MAP4K5: variants seen among roughly 807,000 people sequenced by gnomAD.
MAP4K5 encodes the protein MAPK/ERK kinase kinase kinase 5.
Under a neutral mutation model 135.6 loss-of-function variants are expected in MAP4K5, and 82 were observed. That is an observed-to-expected ratio of 0.60 (90% CI 0.51 to 0.73). The LOEUF (loss-of-function observed/expected upper bound fraction) is 0.73, where lower values mean the gene tolerates loss of function less well. Ranked by LOEUF, MAP4K5 falls within the 30% of genes least tolerant of loss-of-function variation. MAP4K5 has a pLI of 0.00. For synonymous variants in MAP4K5, 347 were observed against 335.0 expected (o/e 1.04, Z -0.39); for missense variants, 907 against 1,010.9 (o/e 0.90, Z 1.39).
Position 50,443,961 on chromosome 14 carries a change from T to A in MAP4K5, c.1415A>T (p.Lys472Ile). The stretch of plus-strand genomic sequence containing the variant: ...TACAGGGAAGTCTCGTTTGTCCTTT[T>A]TTCGTGGTAACTGTGGTGCTTGTGC... Reference protein sequence around the residue: ...GSAQAPQLPRKKDKRDFPKPA... With the variant: ...GSAQAPQLPRIKDKRDFPKPA... Residue 472 changes from lysine (K) to isoleucine (I), a missense_variant, in exon 19 of 33, where the codon AAA becomes ATA. Around this residue, in one of 3 missense-constraint regions of MAP4K5, gnomAD observed 690 missense variants for 777.4 expected, o/e 0.89. Transcript: ENST00000682126. 2 of 1,608,730 alleles carry A rather than the reference T, an allele frequency of 1.2e-6. No individual in the cohort carries two copies. The highest frequency in any genetic ancestry group is 1.7e-6 in the Non-Finnish European group (2 of 1,177,168).
At chr14:50,536,097 G>A (rs1007289270), upstream of MAP4K5, among the ~76,000 whole-genome samples, 2 of 152,176 alleles carry the variant, frequency 1.3e-5, no homozygotes, top group African/African-American at 4.8e-5. Context: ...TCTTTCTTTT[G>A]TAGATTGCCC....
chr14:50,548,661 C>T (rs536937470), intron 1 of MAP4K5, among the ~76,000 whole-genome samples: 4 of 152,246 alleles, frequency 2.6e-5, no homozygotes, highest in East Asian at 3.9e-4. Context: ...AGGCACACAC[C>T]GCCACGCCCA....
At chr14:50,505,902 C>T (rs537001732) in intron 2 of MAP4K5, among the ~76,000 whole-genome samples, 2 of 148,344 alleles carry the variant, frequency 1.3e-5, no homozygotes, top group East Asian at 2.0e-4. Context: ...TTCTAAGATA[C>T]GGTATTACTA....
chr14:50,506,998 C>T (rs2037824313), intron 2 of MAP4K5, among the ~76,000 whole-genome samples: 1 of 152,136 alleles, frequency 6.6e-6, no homozygotes, highest in African/African-American at 2.4e-5. Flanking sequence ...ACCTCTCAGC[C>T]AATTCACATG....
chr14:50,502,494 A>G (rs1017479339), intron 3 of MAP4K5, among the ~76,000 whole-genome samples: 1 of 152,116 alleles, frequency 6.6e-6, no homozygotes, highest in Non-Finnish European at 1.5e-5. Flanking sequence ...CATAAATATG[A>G]AGACGTGGCA....
Position 50,419,961 on chromosome 14 carries a change from T to G in MAP4K5, c.*58A>C, listed in dbSNP as rs2035687071. ...GTGCAGTTTGTATTGAATTTCCTTA[T>G]TTTTCCTTTCAATGGAGTATATTCA... On this transcript the variant is annotated 3_prime_UTR_variant, in exon 33 of 33. Coordinates refer to ENST00000682126, the MANE Select transcript of MAP4K5 (RefSeq NM_006575.6). The G allele has an allele frequency of 8.2e-7, 1 of 1,226,528 alleles. No individual in the cohort carries two copies. Among genetic ancestry groups the G allele is most frequent in the Admixed American group, 2.0e-5 (1 of 50,700 alleles). The allele number at this position is 1,226,528 out of a possible 1,614,324, so 76.0% of individuals were successfully genotyped here. A position where few individuals can be genotyped will look rare whatever the true frequency, so the allele number is the denominator to read the frequency against.
At position 50,488,102 on chromosome 14, in the gene MAP4K5, C is replaced by T. The variant is rs556272414; in HGVS notation, c.167-1908G>A. On this transcript the variant is annotated intron_variant, in intron 3 of 32. Transcript: ENST00000682126. ...AAGAGGTTTAATTGACTTACACCTC[C>T]GCATGGCTTGGGAGGCCTCAGGAAA... Among the ~76,000 whole-genome samples, 29 of 152,216 alleles carry T rather than the reference C, an allele frequency of 1.9e-4. No individual in the cohort carries two copies. In the South Asian group the frequency reaches 5.2e-3, roughly 27 times the overall value.
intron 1 of MAP4K5, among the ~76,000 whole-genome samples, chr14:50,556,153 AC>A (rs1227554167): frequency 2.6e-5 from 4 of 152,338 alleles, no homozygotes; most frequent in Non-Finnish European, 4.4e-5. Flanking sequence ...CTTTTTAAAA[AC>A]ATTTGTATTT....
At chr14:50,458,886 G>A (rs908528503) in intron 13 of MAP4K5, among the ~76,000 whole-genome samples, 31 of 152,250 alleles carry the variant, frequency 2.0e-4, no homozygotes, top group African/African-American at 4.6e-4. Context: ...ATGGCTCACT[G>A]CAGCCTTGAC....
intron 2 of MAP4K5, among the ~76,000 whole-genome samples, chr14:50,514,275 G>T (rs1295753798): frequency 6.6e-6 from 1 of 151,814 alleles, no homozygotes; most frequent in Non-Finnish European, 1.5e-5. Flanking sequence ...TAGAGAGAGG[G>T]TATCACCACA....
intron 32 of MAP4K5, among the ~76,000 whole-genome samples, chr14:50,422,697 C>T (rs908323833): frequency 2.0e-5 from 3 of 151,812 alleles, no homozygotes; most frequent in African/African-American, 4.8e-5. Context: ...AAAAAGAGAC[C>T]ATATAATTCT....
Position 50,560,379 on chromosome 14 carries a change from G to A in MAP4K5, c.-180+661C>T. ...TTTCTGCTTCTGTGGAGACAGGGAG[G>A]GCCAAGGGCTGCTAGGTGCCTGCGT... On this transcript the variant is annotated intron_variant, in intron 1 of 8. Transcript: ENST00000555216. The A allele has an allele frequency of 4.5e-6, 7 of 1,551,588 alleles. No homozygotes were observed. The South Asian group carries it at 8.2e-5, about 18-fold the overall frequency.
chr14:50,440,319 C>G, intron 22 of MAP4K5, 43 bp downstream of exon 22: 2 of 1,272,482 alleles, frequency 1.6e-6, no homozygotes, highest in East Asian at 4.9e-5. Flanking sequence ...CTTCTTTATT[C>G]AATTTGTTTA....
At chr14:50,550,285 T>C (rs1335816609) in intron 1 of MAP4K5, among the ~76,000 whole-genome samples, 1 of 152,230 alleles carries the variant, frequency 6.6e-6, no homozygotes, top group Non-Finnish European at 1.5e-5. Flanking sequence ...GGCAGCCTCA[T>C]TAATAGGGCC....
At chr14:50,527,036 G>A (rs977507938) in intron 2 of MAP4K5, among the ~76,000 whole-genome samples, 1 of 152,082 alleles carries the variant, frequency 6.6e-6, no homozygotes, top group South Asian at 2.1e-4. Context: ...CTCATTCAAC[G>A]GATCCTTTAA....
intron 22 of MAP4K5, 135 bp downstream of exon 22, chr14:50,440,227 A>G: frequency 2.6e-6 from 2 of 780,926 alleles, no homozygotes; most frequent in Non-Finnish European, 2.0e-6. Flanking sequence ...GAACATGCAA[A>G]GAGTACAATT....
intron 23 of MAP4K5, 63 bp from the exon 24 acceptor site, chr14:50,438,157 A>T: frequency 1.5e-6 from 1 of 681,504 alleles, no homozygotes; most frequent in Non-Finnish European, 2.6e-6. Context: ...ACACAAAAAA[A>T]CCCTCAGTTA....
intron 3 of MAP4K5, among the ~76,000 whole-genome samples, chr14:50,500,286 C>T (rs2037681129): frequency 6.6e-6 from 1 of 152,100 alleles, no homozygotes; most frequent in Admixed American, 6.6e-5. Context: ...ACTCACGTGT[C>T]CTATGCAGCG....
chr14:50,437,339 A>G (rs1218586396), intron 26 of MAP4K5, 137 bp downstream of exon 26: 8 of 668,644 alleles, frequency 1.2e-5, no homozygotes, highest in Non-Finnish European at 2.1e-5. Flanking sequence ...TTGTACTTCA[A>G]TGGCAGCTTA....
Sources: gnomAD v4.1 joint callset for allele counts (sites outside exome capture counted in the v4.1 genomes callset) on GRCh38, gnomAD v4.1.1 for gene constraint, gnomAD v4.1.1 regional missense constraint, MANE v1.5 for transcripts, NCBI Gene and HGNC (gene_info 2026-07-23, HGNC 2026-07-21) for gene names.